Variants in KCNQ2 observed in about 807,000 individuals in gnomAD.
KCNQ2 encodes the protein potassium voltage-gated channel subfamily KQT member 2.
A neutral mutation model predicts 84.8 loss-of-function variants in KCNQ2; 14 were observed. The ratio of observed to expected loss-of-function variants is 0.17; its 90% CI spans 0.11 to 0.26. The LOEUF is 0.26. Ranked by LOEUF, KCNQ2 falls within the 10% of genes least tolerant of loss-of-function variation. The pLI, the probability that KCNQ2 is intolerant of heterozygous loss-of-function variation, is 1.00. For synonymous variants in KCNQ2, 599 were observed against 554.1 expected (o/e 1.08, Z -1.14); for missense variants, 788 against 1,254.0 (o/e 0.63, Z 5.61).
intron 1 of KCNQ2, among the ~76,000 whole-genome samples, chr20:63,452,797 C>T (rs1036089584): frequency 3.9e-5 from 6 of 152,186 alleles, no homozygotes; most frequent in African/African-American, 1.4e-4. Flanking sequence ...AGCTGGCCTG[C>T]AGCCACAGAG....
At chr20:63,462,140 C>T (rs2081971455) in intron 1 of KCNQ2, among the ~76,000 whole-genome samples, 1 of 137,282 alleles carries the variant, frequency 7.3e-6, no homozygotes, top group Non-Finnish European at 1.6e-5. Flanking sequence ...GCACCTACCC[C>T]GGGGCAGCAG....
At chr20:63,468,916 C>T (rs552368363) in intron 1 of KCNQ2, among the ~76,000 whole-genome samples, 79 of 152,386 alleles carry the variant, frequency 5.2e-4, no homozygotes, top group African/African-American at 1.8e-3. Flanking sequence ...CTCAACCTTC[C>T]TCTGCCTCAG....
Position 63,446,713 on chromosome 20 carries a change from G to A in KCNQ2, c.387+34C>T. 7 of 1,568,856 alleles carry A rather than the reference G, an allele frequency of 4.5e-6. No homozygotes were observed. The highest frequency in any genetic ancestry group is 6.1e-6 in the Non-Finnish European group (7 of 1,139,590). The stretch of plus-strand genomic sequence containing the variant: ...CCAGGCAGCTCCAGCTCCTTCCTGG[G>A]CACTTCCAGCCCCCGCCCTCCCTCG... On this transcript the variant is annotated intron_variant, in intron 2 of 16. Coordinates refer to ENST00000359125, the MANE Select transcript of KCNQ2 (RefSeq NM_172107.4). This position sits in a 1 kb window ranked among gnomAD's most constrained non-coding sequence, Gnocchi z 5.5.
chr20:63,421,820 C>T (rs13045620), intron 11 of KCNQ2, among the ~76,000 whole-genome samples: 31,658 of 151,910 alleles, frequency 0.21, 4,085 homozygotes, highest in Non-Finnish European at 0.3. Context: ...CCAAAGAGAC[C>T]CCCCGGGACC....
At chr20:63,445,503 C>CCCCAAAGGG (rs2081386392) in intron 2 of KCNQ2, 139 bp from the exon 3 acceptor site, 11 of 857,292 alleles carry the variant, frequency 1.3e-5, no homozygotes, top group East Asian at 2.6e-5. Context: ...GCAAGCTGAC[C>CCCCAAAGGG]CCCCCACCCC....
At position 63,421,201 on chromosome 20, in the gene KCNQ2, G is replaced by A. The variant is rs142219196; in HGVS notation, c.1248-1529C>T. Among the ~76,000 whole-genome samples the A allele has an allele frequency of 2.5e-3, 387 of 152,346 alleles. 2 individuals are homozygous for A. The highest frequency in any genetic ancestry group is 4.5e-3 in the Non-Finnish European group (303 of 68,026). ...TCGCCTTGACCAAGAGGCCCCTCCC[G>A]GGCCGGCCCTGCCGCCCGATTCTGC... is the stretch of plus-strand genomic sequence containing the variant. On this transcript the variant is annotated intron_variant, in intron 11 of 16. Coordinates refer to ENST00000359125, the MANE Select transcript of KCNQ2 (RefSeq NM_172107.4).
intron 2 of KCNQ2, 141 bp from the exon 3 acceptor site, chr20:63,445,505 C>T: frequency 1.2e-6 from 1 of 850,902 alleles, no homozygotes; most frequent in Non-Finnish European, 1.8e-6. Flanking sequence ...AAGCTGACCC[C>T]CCCACCCCTC....
At chr20:63,443,983 A>G (rs7273219) in intron 4 of KCNQ2, among the ~76,000 whole-genome samples, 31,933 of 152,232 alleles carry the variant, frequency 0.21, 3,747 homozygotes, top group Non-Finnish European at 0.28. Flanking sequence ...AAGGGTGCCC[A>G]CTGCAGTCAG....
In KCNQ2 at chr20:63,444,575, C is replaced by T. The variant is rs962546468; in HGVS notation, c.690+84G>A. ...CTCCACCCAGGGCTCTTGAAGCAAA[C>T]CCCAGGCAGGGGTGGGGCCCGGTCT... On this transcript the variant is annotated intron_variant, in intron 4 of 16. Coordinates refer to ENST00000359125, the MANE Select transcript of KCNQ2 (RefSeq NM_172107.4). 3.3e-5 allele frequency: 41 copies of T among 1,252,564 alleles called. No homozygotes were observed. In the African/African-American group the frequency reaches 6.0e-4, roughly 18 times the overall value. The allele number at this position is 1,252,564 out of a possible 1,614,324, so 77.6% of individuals were successfully genotyped here. A position where few individuals can be genotyped will look rare whatever the true frequency, so the allele number is the denominator to read the frequency against.
intron 15 of KCNQ2, chr20:63,411,037 G>A (rs1333066806): frequency 2.2e-6 from 1 of 456,130 alleles, no homozygotes; most frequent in Non-Finnish European, 4.4e-6. Context: ...CAGCTCACGT[G>A]GAGCTGGGCC....
chr20:63,432,222 GGC>G (rs2080828758), intron 8 of KCNQ2, among the ~76,000 whole-genome samples: 2 of 149,226 alleles, frequency 1.3e-5, no homozygotes, highest in Non-Finnish European at 3.0e-5. Flanking sequence ...CCACAGGGAA[GGC>G]TCCACCCACA....
intron 1 of KCNQ2, chr20:63,466,404 G>C (rs895551871): frequency 1.3e-5 from 2 of 152,246 alleles, no homozygotes; most frequent in African/African-American, 4.8e-5. Flanking sequence ...CAGCAGCGCA[G>C]GCCTCTCCGT....
intron 1 of KCNQ2, chr20:63,448,146 A>G (rs41283018): frequency 6.6e-6 from 1 of 152,282 alleles, no homozygotes; most frequent in African/African-American, 2.4e-5. Context: ...TTGGCAGGAA[A>G]GCCAACTCCC....
chr20:63,411,081 G>A (rs538699640), intron 15 of KCNQ2: 8 of 439,576 alleles, frequency 1.8e-5, no homozygotes, highest in East Asian at 7.0e-5. Context: ...CGGGGCTCTC[G>A]CCAGCTCCCT....
At position 63,415,099 on chromosome 20, in the gene KCNQ2, G is replaced by C. The variant is rs934839370; in HGVS notation, c.1329C>G (p.Val443=). Residue 443 remains valine, a synonymous_variant, in exon 13 of 17, where the codon GTC becomes GTG. Coordinates refer to ENST00000359125, the MANE Select transcript of KCNQ2 (RefSeq NM_172107.4). ...CAGCCACGCCTCGGGGGCTGGAGAA[G>C]ACACGATCTTTCAAACTGACCTTCT... The part of the protein sequence containing the change: ...SSQKVSLKDR[V]FSSPRGVAAK... 5 of 1,602,650 alleles carry C rather than the reference G, an allele frequency of 3.1e-6. No individual in the cohort carries two copies. The highest frequency in any genetic ancestry group is 4.2e-6 in the Non-Finnish European group (5 of 1,179,850).
chr20:63,450,880 G>A (rs999183419), intron 1 of KCNQ2, among the ~76,000 whole-genome samples: 6 of 152,160 alleles, frequency 3.9e-5, no homozygotes, highest in East Asian at 1.9e-4. Context: ...GGCGGCTCAC[G>A]CATCAGCACT....
In KCNQ2 at chr20:63,438,365, G is replaced by C; in HGVS notation, c.1023+260C>G. 1 of 576,144 alleles carries C rather than the reference G, an allele frequency of 1.7e-6. No individual in the cohort carries two copies. Among genetic ancestry groups the C allele is most frequent in the South Asian group, 2.0e-5 (1 of 50,696 alleles). The allele number at this position is 576,144 out of a possible 1,614,324, so 35.7% of individuals were successfully genotyped here. A position where few individuals can be genotyped will look rare whatever the true frequency, so the allele number is the denominator to read the frequency against. ...CAGGGTGCGGTAGAGAGGACCTGATGGCCGGGCCCCAGCACCCACACAAGG... is the reference window on the plus strand; with the variant it reads ...CAGGGTGCGGTAGAGAGGACCTGATCGCCGGGCCCCAGCACCCACACAAGG... On this transcript the variant is annotated intron_variant, in intron 7 of 16. Transcript: ENST00000359125. The surrounding 1 kb of genome is among the most constrained non-coding windows in gnomAD (Gnocchi z 5.1).
chr20:63,455,124 C>CGATGGGAG (rs1318026109), intron 1 of KCNQ2, among the ~76,000 whole-genome samples: 5 of 152,084 alleles, frequency 3.3e-5, no homozygotes, highest in Non-Finnish European at 1.5e-5. Flanking sequence ...GGCGGGAAGA[C>CGATGGGAG]GATGGGAGGA....
At chr20:63,449,694 G>C (rs1956776250) in intron 1 of KCNQ2, among the ~76,000 whole-genome samples, 1 of 152,222 alleles carries the variant, frequency 6.6e-6, no homozygotes, top group South Asian at 2.1e-4. Flanking sequence ...CCCGGGAGAA[G>C]AGGGAAAAGC....
Sources: allele counts gnomAD v4.1 joint callset (sites outside exome capture counted in the v4.1 genomes callset), GRCh38; gene constraint gnomAD v4.1.1; non-coding constraint Gnocchi (gnomAD v3.1); transcripts MANE v1.5; gene names NCBI Gene and HGNC (gene_info 2026-07-23, HGNC 2026-07-21).